The following BTRC variants were observed in gnomAD, a reference collection of about 807,000 sequenced individuals.
The protein encoded by BTRC is F-box/WD repeat-containing protein 1A.
A neutral mutation model predicts 85.5 loss-of-function variants in BTRC; 42 were observed. The ratio of observed to expected loss-of-function variants is 0.49; its 90% CI spans 0.38 to 0.64. The LOEUF is 0.64. BTRC is among the 30% of genes least tolerant of loss of function. The pLI, the probability that BTRC is intolerant of heterozygous loss-of-function variation, is 0.00. For synonymous variants in BTRC, 255 were observed against 263.3 expected (o/e 0.97, Z 0.30); for missense variants, 594 against 743.5 (o/e 0.80, Z 2.34).
chr10:101,396,469 C>T (rs539628054), intron 1 of BTRC, among the ~76,000 whole-genome samples: 2 of 144,112 alleles, frequency 1.4e-5, no homozygotes, highest in African/African-American at 2.6e-5. Context: ...TGGTCTCGAG[C>T]GAGGTAAAGA....
chr10:101,355,486 AG>A (rs1942007790), intron 1 of BTRC, among the ~76,000 whole-genome samples: 2 of 152,202 alleles, frequency 1.3e-5, no homozygotes, highest in African/African-American at 4.8e-5. Flanking sequence ...TGTATTTCCT[AG>A]GTGTAAAACC....
At chr10:101,487,623 G>T (rs1946023295) in intron 4 of BTRC, among the ~76,000 whole-genome samples, 1 of 152,160 alleles carries the variant, frequency 6.6e-6, no homozygotes, top group African/African-American at 2.4e-5. Context: ...GAGGCGATGG[G>T]CAATATGGCA....
chr10:101,506,807 A>G (rs1175545279), intron 4 of BTRC, among the ~76,000 whole-genome samples: 1 of 152,186 alleles, frequency 6.6e-6, no homozygotes, highest in African/African-American at 2.4e-5. Context: ...TTGTTTCACA[A>G]AGGGTTAAAT....
intron 1 of BTRC, among the ~76,000 whole-genome samples, chr10:101,387,683 C>T (rs1374213266): frequency 2.0e-5 from 3 of 150,732 alleles, no homozygotes; most frequent in Non-Finnish European, 4.4e-5. Flanking sequence ...CCCACCACCA[C>T]ACCCGGCTGA....
chr10:101,519,533 C>G (rs568838461), intron 4 of BTRC, among the ~76,000 whole-genome samples: 5 of 152,318 alleles, frequency 3.3e-5, no homozygotes, highest in Admixed American at 3.3e-4. Flanking sequence ...TTCTGTAACC[C>G]GTTGAAGCAA....
At chr10:101,522,353 AAAAAAAAAAAAAACAAAAAAAAAC>A (rs2062121961) in intron 5 of BTRC, among the ~76,000 whole-genome samples, 5 of 33,928 alleles carry the variant, frequency 1.5e-4, no homozygotes, top group South Asian at 1.7e-3. Context: ...ATAAAGCTTT[AAAAAAAAAAAAAACAAAAAAAAAC>A]AAAAAAAAAA....
chr10:101,477,656 CT>C (rs1564796632), intron 3 of BTRC, among the ~76,000 whole-genome samples: 1 of 151,836 alleles, frequency 6.6e-6, no homozygotes, highest in Non-Finnish European at 1.5e-5. Context: ...TTTTTTCTTT[CT>C]TTTTTATTTG....
chr10:101,550,818 C>A lies in BTRC; in HGVS notation c.1776C>A (p.Pro592=). ...FLNDPAAQAE[P]PRSPSRTYTY... is the part of the protein sequence containing the mutation. Reference sequence around the variant, plus strand: ...ATGATCCAGCTGCCCAAGCTGAACCCCCCCGTTCCCCTTCTCGAACATACA... The same window carrying A: ...ATGATCCAGCTGCCCAAGCTGAACCACCCCGTTCCCCTTCTCGAACATACA... The change falls in exon 14 of 15, where the codon CCC becomes CCA. Residue 592 remains proline, a synonymous_variant. Transcript: ENST00000370187. 1 of 1,614,062 alleles carries A rather than the reference C, an allele frequency of 6.2e-7. No individual in the cohort carries two copies. Among genetic ancestry groups the A allele is most frequent in the Non-Finnish European group, 8.5e-7 (1 of 1,179,946 alleles).
chr10:101,460,009 T>A (rs1945182605), intron 2 of BTRC, among the ~76,000 whole-genome samples: 1 of 152,206 alleles, frequency 6.6e-6, no homozygotes, highest in Non-Finnish European at 1.5e-5. Context: ...AGTTATATGA[T>A]AACATTTCAA....
At chr10:101,403,715 C>T (rs1462286940) in intron 1 of BTRC, among the ~76,000 whole-genome samples, 1 of 151,896 alleles carries the variant, frequency 6.6e-6, no homozygotes, top group Admixed American at 6.6e-5. Context: ...CTCAGCCCCT[C>T]AAGTAGCTGG....
chr10:101,517,880 C>T (rs1312533980), intron 4 of BTRC, among the ~76,000 whole-genome samples: 1 of 149,372 alleles, frequency 6.7e-6, no homozygotes, highest in East Asian at 2.0e-4. Flanking sequence ...AGAGATTGTT[C>T]TGTCTTCCAT....
At chr10:101,443,872 A>G (rs1944756841) in intron 2 of BTRC, among the ~76,000 whole-genome samples, 1 of 152,234 alleles carries the variant, frequency 6.6e-6, no homozygotes, top group Admixed American at 6.5e-5. Flanking sequence ...GATTCGATTC[A>G]CAGAGTACCT....
intron 4 of BTRC, among the ~76,000 whole-genome samples, chr10:101,496,856 T>G (rs1276000532): frequency 3.9e-5 from 6 of 152,234 alleles, no homozygotes; most frequent in Non-Finnish European, 1.5e-5. Flanking sequence ...GTCTGATGTA[T>G]GTATTGCATA....
intron 1 of BTRC, among the ~76,000 whole-genome samples, chr10:101,366,945 TATTTA>T (rs1564730482): frequency 1.9e-5 from 1 of 52,094 alleles, no homozygotes; most frequent in African/African-American, 6.2e-5. Context: ...TATTTATATA[TATTTA>T]TATATATATT....
intron 2 of BTRC, among the ~76,000 whole-genome samples, chr10:101,458,848 C>T (rs1237600416): frequency 6.6e-6 from 1 of 152,160 alleles, no homozygotes; most frequent in Non-Finnish European, 1.5e-5. Context: ...TGGATTTCTC[C>T]ACTATGAGGT....
intron 1 of BTRC, among the ~76,000 whole-genome samples, chr10:101,389,827 G>A (rs1389318272): frequency 6.6e-6 from 1 of 151,870 alleles, no homozygotes; most frequent in African/African-American, 2.4e-5. Flanking sequence ...GTCTCACTAT[G>A]TTGCCCAGCC....
At chr10:101,389,115 GTGTGTTTTTTTTT>G (rs1943162811) in intron 1 of BTRC, among the ~76,000 whole-genome samples, 2 of 35,462 alleles carry the variant, frequency 5.6e-5, no homozygotes, top group Non-Finnish European at 9.9e-5. Flanking sequence ...GATTTTTTGT[GTGTGTTTTTTTTT>G]TTTTTTTTTT....
intron 3 of BTRC, among the ~76,000 whole-genome samples, chr10:101,464,552 G>T: frequency 8.4e-5 from 1 of 11,872 alleles, no homozygotes; most frequent in Admixed American, 1.0e-3. Context: ...CCCCCCCCAT[G>T]GTGCTTTGAA....
intron 1 of BTRC, among the ~76,000 whole-genome samples, chr10:101,382,233 T>A (rs985567518): frequency 6.6e-6 from 1 of 151,960 alleles, no homozygotes; most frequent in Non-Finnish European, 1.5e-5. Context: ...TCCACCTGCC[T>A]CAGCCTCCCA....
Sources: gnomAD v4.1 joint callset for allele counts (sites outside exome capture counted in the v4.1 genomes callset) on GRCh38, gnomAD v4.1.1 for gene constraint, MANE v1.5 for transcripts, NCBI Gene and HGNC (gene_info 2026-07-23, HGNC 2026-07-21) for gene names.